Variants in RBFOX1 observed in about 807,000 individuals in gnomAD.
RBFOX1 encodes RNA binding fox-1 homolog 1.
A neutral mutation model predicts 57.7 loss-of-function variants in RBFOX1; 8 were observed. That is an observed-to-expected ratio of 0.14 (90% CI 0.08 to 0.25). The LOEUF (loss-of-function observed/expected upper bound fraction) is 0.25, where lower values mean the gene tolerates loss of function less well. Among genes scored for constraint, RBFOX1 ranks in the 10% least tolerant of loss-of-function variants. The pLI, the probability that RBFOX1 is intolerant of heterozygous loss-of-function variation, is 1.00. For missense variants in RBFOX1, 611 were observed against 548.5 expected (o/e 1.11, Z -1.14); for synonymous variants, 326 against 222.4 (o/e 1.47, Z -4.15).
chr16:7,540,029 A>G (rs1019125407), intron 5 of RBFOX1, among the ~76,000 whole-genome samples: 11 of 152,164 alleles, frequency 7.2e-5, no homozygotes, highest in Admixed American at 6.5e-5. Context: ...TGCCCTATAA[A>G]TTGTAGCTGC....
intron 3 of RBFOX1, among the ~76,000 whole-genome samples, chr16:6,805,751 C>T (rs1052522711): frequency 6.6e-6 from 1 of 152,238 alleles, no homozygotes; most frequent in African/African-American, 2.4e-5. Context: ...AAGGTTTTTC[C>T]CTCCACTGTA....
At chr16:5,524,611 G>C (rs2044164964) in intron 2 of RBFOX1, among the ~76,000 whole-genome samples, 1 of 151,542 alleles carries the variant, frequency 6.6e-6, no homozygotes, top group African/African-American at 2.4e-5. Flanking sequence ...TGCGATCTTG[G>C]CTCACTGCAA....
intron 3 of RBFOX1, among the ~76,000 whole-genome samples, chr16:5,782,889 G>C (rs976599707): frequency 6.6e-6 from 1 of 152,196 alleles, no homozygotes; most frequent in Non-Finnish European, 1.5e-5. Context: ...ATGCAAGGAA[G>C]AAGAGGGTGA....
chr16:6,401,638 C>G lies in RBFOX1; in HGVS notation c.-64+84581C>G, dbSNP rs146123091. On this transcript the variant is annotated intron_variant, in intron 2 of 15. Transcript: ENST00000550418. ...TTTTGTAGCTTTCATTTACCCATAC[C>G]CCATTTCAAATCCCTTGTATAATGG... Among the ~76,000 whole-genome samples the G allele has an allele frequency of 3.2e-3, 489 of 152,142 alleles. 6 individuals are homozygous for G. The highest frequency in any genetic ancestry group is 9.8e-3 in the African/African-American group (406 of 41,510).
At chr16:5,272,416 AT>A (rs1164152829) in intron 1 of RBFOX1, among the ~76,000 whole-genome samples, 4 of 152,216 alleles carry the variant, frequency 2.6e-5, no homozygotes, top group African/African-American at 9.6e-5. Flanking sequence ...GAACTGGAAC[AT>A]GCACCAAGGC....
intron 1 of RBFOX1, among the ~76,000 whole-genome samples, chr16:6,020,989 G>A (rs975985096): frequency 1.3e-5 from 2 of 152,166 alleles, no homozygotes; most frequent in Admixed American, 6.5e-5. Flanking sequence ...CTCCTGTGTG[G>A]GCCAGAGCTG....
chr16:7,379,662 G>A (rs1596956582), intron 4 of RBFOX1, among the ~76,000 whole-genome samples: 1 of 152,104 alleles, frequency 6.6e-6, no homozygotes, highest in Admixed American at 6.6e-5. Flanking sequence ...GTTTTAGACA[G>A]GGTATTTAGC....
At chr16:7,582,456 C>G (rs372092236) in intron 6 of RBFOX1, among the ~76,000 whole-genome samples, 1 of 152,204 alleles carries the variant, frequency 6.6e-6, no homozygotes, top group African/African-American at 2.4e-5. Context: ...AACCACTATT[C>G]TAAAGAAATG....
intron 3 of RBFOX1, among the ~76,000 whole-genome samples, chr16:5,756,764 A>G (rs898883264): frequency 1.3e-5 from 2 of 152,124 alleles, no homozygotes; most frequent in South Asian, 2.1e-4. Context: ...ATCAATGGAG[A>G]TGTTACTTGC....
chr16:6,115,439 G>A (rs2096487777), intron 1 of RBFOX1, among the ~76,000 whole-genome samples: 2 of 152,142 alleles, frequency 1.3e-5, no homozygotes, highest in African/African-American at 4.8e-5. Context: ...GCCATATGCA[G>A]TAGTGAGGAT....
intron 3 of RBFOX1, among the ~76,000 whole-genome samples, chr16:5,636,191 T>C (rs1437147531): frequency 2.0e-5 from 3 of 151,984 alleles, no homozygotes; most frequent in Admixed American, 6.6e-5. Context: ...CTACTAAAAA[T>C]ACAAAAATTA....
Position 7,078,094 on chromosome 16 carries a change from C to T in RBFOX1, c.27+25996C>T, listed in dbSNP as rs1347592717. ...CTCTCTCTACCACTTGCTCCTCCTC[C>T]TCTTTGGCTCATGAGAAAGGCTGGT... is the stretch of plus-strand genomic sequence containing the variant. On this transcript the variant is annotated intron_variant, in intron 4 of 15. Transcript: ENST00000550418. Among the ~76,000 whole-genome samples, 9 of 152,282 alleles carry T rather than the reference C, an allele frequency of 5.9e-5. No individual in the cohort carries two copies. The East Asian group carries it at 9.7e-4, about 16-fold the overall frequency.
At chr16:5,834,873 A>AT (rs1177682514) in intron 3 of RBFOX1, among the ~76,000 whole-genome samples, 2 of 152,104 alleles carry the variant, frequency 1.3e-5, no homozygotes, top group African/African-American at 4.8e-5. Flanking sequence ...CAGTGGTGGG[A>AT]TTGCTGGACT....
At chr16:7,062,585 G>A (rs1395149901) in intron 4 of RBFOX1, among the ~76,000 whole-genome samples, 1 of 152,098 alleles carries the variant, frequency 6.6e-6, no homozygotes, top group African/African-American at 2.4e-5. Flanking sequence ...GTGCAGTCTT[G>A]GAGAGAGGAT....
At chr16:5,891,131 G>T (rs552749111) in intron 4 of RBFOX1, among the ~76,000 whole-genome samples, 1 of 152,220 alleles carries the variant, frequency 6.6e-6, no homozygotes, top group Non-Finnish European at 1.5e-5. Context: ...ACAGAAGTCA[G>T]TTCTGCCTCT....
At chr16:6,027,463 G>A (rs2095218001) in intron 1 of RBFOX1, among the ~76,000 whole-genome samples, 1 of 152,170 alleles carries the variant, frequency 6.6e-6, no homozygotes, top group East Asian at 1.9e-4. Flanking sequence ...TGTCTGGCTT[G>A]AGATCCCAGC....
intron 1 of RBFOX1, among the ~76,000 whole-genome samples, chr16:5,274,384 C>T (rs954334183): frequency 2.0e-5 from 3 of 152,100 alleles, no homozygotes; most frequent in Non-Finnish European, 4.4e-5. Flanking sequence ...CAAAAATTAG[C>T]CAGGCGTGGT....
chr16:5,399,632 A>G lies in RBFOX1; in HGVS notation c.220-67584A>G, dbSNP rs918811676. On this transcript the variant is annotated intron_variant, in intron 1 of 2. Coordinates refer to the RBFOX1 transcript ENST00000585867. The stretch of plus-strand genomic sequence containing the variant: ...TCTGTAGTCCCAGCTACTGAAAGGG[A>G]TGATGAGGTGGGAGGATTACCTGAG... Among the ~76,000 whole-genome samples, 5 of 151,978 alleles carry G rather than the reference A, an allele frequency of 3.3e-5. No homozygotes were observed. In the South Asian group the frequency reaches 6.2e-4, roughly 19 times the overall value.
rs115460590 is a variant in RBFOX1 at position 5,337,375 on chromosome 16, G to T, written c.219+97270G>T. On this transcript the variant is annotated intron_variant, in intron 1 of 2. Transcript: ENST00000585867. ...TGAGTGCATGGGTCAAATATAACCA[G>T]TTCCTTCTGATTTCATACTTTATAT... Among the ~76,000 whole-genome samples the T allele has an allele frequency of 9.6e-3, 1,458 of 152,286 alleles. 19 individuals are homozygous for T. Among genetic ancestry groups the T allele is most frequent in the African/African-American group, 0.033 (1,361 of 41,546 alleles).
Sources: allele counts gnomAD v4.1 joint callset (sites outside exome capture counted in the v4.1 genomes callset), GRCh38; gene constraint gnomAD v4.1.1; transcripts MANE v1.5; gene names NCBI Gene and HGNC (gene_info 2026-07-23, HGNC 2026-07-21).